Variants in CSMD3 observed in about 807,000 individuals in gnomAD.
CSMD3 encodes CUB and Sushi multiple domains 3, also known as CUB and sushi domain-containing protein 3.
A neutral mutation model predicts 435.2 loss-of-function variants in CSMD3; 177 were observed. The ratio of observed to expected loss-of-function variants is 0.41; its 90% CI spans 0.36 to 0.46. CSMD3 has a LOEUF of 0.46. Ranked by LOEUF, CSMD3 falls within the 20% of genes least tolerant of loss-of-function variation. CSMD3 has a pLI of 0.34. For missense variants in CSMD3, 4,265 were observed against 4,504.6 expected (o/e 0.95, Z 1.52); for synonymous variants, 1,656 against 1,520.5 (o/e 1.09, Z -2.07).
intron 2 of CSMD3, among the ~76,000 whole-genome samples, chr8:113,299,784 C>T (rs746148927): frequency 1.8e-4 from 28 of 152,074 alleles, no homozygotes; most frequent in Non-Finnish European, 1.3e-4. Flanking sequence ...CACTTGAGGC[C>T]AGGAGTTCAA....
chr8:113,065,383 T>TTTTG lies in CSMD3; in HGVS notation c.917+33369_917+33372dup, dbSNP rs564938394. Among the ~76,000 whole-genome samples the TTTTG allele has an allele frequency of 2.2e-4, 33 of 152,062 alleles. No homozygotes were observed. The East Asian group carries it at 4.8e-3, about 22-fold the overall frequency. ...CATGGGGAATAAAACAGCCTCATGT[T>TTTTG]TTTGTTTGTTTGTTTGTTTTTCAGA... On this transcript the variant is annotated intron_variant, in intron 5 of 70. Transcript: ENST00000297405.
intron 32 of CSMD3, among the ~76,000 whole-genome samples, chr8:112,440,592 G>A (rs1386350340): frequency 6.6e-6 from 1 of 152,174 alleles, no homozygotes; most frequent in Non-Finnish European, 1.5e-5. Flanking sequence ...GTTTCTCCAA[G>A]AGGGCTCCAC....
chr8:112,913,532 C>A (rs2082486626), intron 10 of CSMD3, among the ~76,000 whole-genome samples: 1 of 151,940 alleles, frequency 6.6e-6, no homozygotes, highest in African/African-American at 2.4e-5. Context: ...TTACAATAAA[C>A]TATTGTAATT....
At chr8:113,209,479 T>A (rs2092807605) in intron 3 of CSMD3, among the ~76,000 whole-genome samples, 1 of 152,100 alleles carries the variant, frequency 6.6e-6, no homozygotes, top group Non-Finnish European at 1.5e-5. Flanking sequence ...CCTCGCCTAG[T>A]CTTAGGGATT....
chr8:112,978,884 G>T (rs1344388746), intron 6 of CSMD3, among the ~76,000 whole-genome samples: 1 of 151,598 alleles, frequency 6.6e-6, no homozygotes, highest in Non-Finnish European at 1.5e-5. Context: ...ACATTCATCA[G>T]AAGAAATAAT....
At chr8:112,962,483 T>C (rs573450271) in intron 7 of CSMD3, among the ~76,000 whole-genome samples, 1 of 151,926 alleles carries the variant, frequency 6.6e-6, no homozygotes, top group Admixed American at 6.6e-5. Flanking sequence ...CAGTGGCATA[T>C]AGTCTTCCAC....
At chr8:112,583,741 C>T (rs1217697595) in intron 23 of CSMD3, among the ~76,000 whole-genome samples, 1 of 151,638 alleles carries the variant, frequency 6.6e-6, no homozygotes, top group Non-Finnish European at 1.5e-5. Context: ...CATAATCAGC[C>T]AAGGTTGGTC....
At chr8:113,245,815 G>T (rs774444875) in intron 3 of CSMD3, among the ~76,000 whole-genome samples, 3 of 151,952 alleles carry the variant, frequency 2.0e-5, no homozygotes, top group Non-Finnish European at 2.9e-5. Context: ...AGAAAGATCT[G>T]CTGGTGATAA....
At chr8:112,361,608 TA>T (rs1827240981) in intron 38 of CSMD3, among the ~76,000 whole-genome samples, 5 of 109,310 alleles carry the variant, frequency 4.6e-5, no homozygotes, top group African/African-American at 1.8e-4. Flanking sequence ...TATATATATA[TA>T]TATATATATA....
intron 8 of CSMD3, among the ~76,000 whole-genome samples, chr8:112,952,897 G>A (rs946215285): frequency 1.1e-4 from 16 of 151,142 alleles, no homozygotes; most frequent in African/African-American, 3.9e-4. Context: ...ATACACCCAT[G>A]TCTAAATTCC....
At chr8:112,644,071 G>A (rs1440919970) in intron 20 of CSMD3, among the ~76,000 whole-genome samples, 1 of 150,630 alleles carries the variant, frequency 6.6e-6, no homozygotes, top group Non-Finnish European at 1.5e-5. Flanking sequence ...TACATCAACA[G>A]AGCTAAAAAA....
At chr8:113,161,916 A>G (rs1448536022) in intron 4 of CSMD3, among the ~76,000 whole-genome samples, 1 of 152,182 alleles carries the variant, frequency 6.6e-6, no homozygotes, top group Non-Finnish European at 1.5e-5. Flanking sequence ...ATTAACACTT[A>G]TATAACTCTA....
intron 13 of CSMD3, among the ~76,000 whole-genome samples, chr8:112,718,753 T>C (rs1037602889): frequency 1.3e-5 from 2 of 152,084 alleles, no homozygotes; most frequent in African/African-American, 4.8e-5. Flanking sequence ...TGAGCACGTA[T>C]TAAAATAACC....
intron 32 of CSMD3, among the ~76,000 whole-genome samples, chr8:112,468,232 GTA>G (rs10548581): frequency 0.032 from 3,698 of 114,866 alleles, 134 homozygotes; most frequent in African/African-American, 0.1. Flanking sequence ...ATTGCCTAAA[GTA>G]TTTTTTTTTT....
rs1812380012 is a variant in CSMD3 at position 112,224,278 on chromosome 8, C to G, written c.*493G>C. On this transcript the variant is annotated 3_prime_UTR_variant, in exon 71 of 71. Transcript: ENST00000297405. ...ATCTTAAATAAAGAAAACAATGCCT[C>G]ATTTAACAAGAATGAATGGCAGATA... The G allele has an allele frequency of 6.2e-6, 1 of 160,400 alleles. No homozygotes were observed. The highest frequency in any genetic ancestry group is 6.0e-5 in the Admixed American group (1 of 16,752). 9.9% of individuals were successfully genotyped at this position (160,400 alleles called of 1,614,324 possible).
chr8:112,954,325 A>G (rs897513805), intron 8 of CSMD3, among the ~76,000 whole-genome samples: 1 of 151,552 alleles, frequency 6.6e-6, no homozygotes, highest in Non-Finnish European at 1.5e-5. Flanking sequence ...AGATATAGTC[A>G]ATCAAGAATT....
intron 1 of CSMD3, among the ~76,000 whole-genome samples, chr8:113,360,702 T>A (rs910498172): frequency 6.6e-6 from 1 of 150,652 alleles, no homozygotes; most frequent in Non-Finnish European, 1.5e-5. Flanking sequence ...GCCTCCCGAG[T>A]AGCTGGGACT....
rs1259769093 is a variant in CSMD3 at position 112,969,191 on chromosome 8, ATTGT to A, written c.1342+6642_1342+6645del. On this transcript the variant is annotated intron_variant, in intron 7 of 70. Transcript: ENST00000297405. ...TTAATGTGAATATTAAATCTGTATG[ATTGT>A]TTGCTGTTTTCTTATTTTTGTTGAG... 3.9e-5 allele frequency among the ~76,000 whole-genome samples: 6 copies of A among 151,998 alleles called. No individual in the cohort carries two copies. In the East Asian group the frequency reaches 1.2e-3, roughly 29 times the overall value.
intron 24 of CSMD3, among the ~76,000 whole-genome samples, chr8:112,564,232 A>G (rs978496052): frequency 1.3e-5 from 2 of 149,264 alleles, no homozygotes; most frequent in Non-Finnish European, 3.0e-5. Flanking sequence ...AAAATGTTTC[A>G]CTTCTGTTTA....
Sources: allele counts gnomAD v4.1 joint callset (sites outside exome capture counted in the v4.1 genomes callset), GRCh38; gene constraint gnomAD v4.1.1; transcripts MANE v1.5; gene names NCBI Gene and HGNC (gene_info 2026-07-23, HGNC 2026-07-21).